The following SYN3 variants were observed in gnomAD, a reference collection of about 807,000 sequenced individuals.
The protein encoded by SYN3 is synapsin-3.
A neutral mutation model predicts 65.8 loss-of-function variants in SYN3; 35 were observed. The observed-to-expected ratio is 0.53, with a 90% CI of 0.41 to 0.70. The LOEUF is 0.70. SYN3 is among the 30% of genes least tolerant of loss of function. The probability of loss-of-function intolerance (pLI) is 0.00; values close to 1 mark genes in which losing one functional copy is unlikely to be tolerated. For synonymous variants in SYN3, 270 were observed against 292.9 expected (o/e 0.92, Z 0.80); for missense variants, 680 against 749.0 (o/e 0.91, Z 1.08).
At chr22:32,572,475 TTCCCTCCCTTCCTTTTC>T (rs2058789590) in intron 7 of SYN3, among the ~76,000 whole-genome samples, 10 of 102,350 alleles carry the variant, frequency 9.8e-5, no homozygotes, top group South Asian at 4.3e-4. Flanking sequence ...TTCTTTCTCC[TTCCCTCCCTTCCTTTTC>T]TTCCTTCCTT....
chr22:33,025,248 G>A (rs2053621156), intron 1 of SYN3, among the ~76,000 whole-genome samples: 1 of 151,936 alleles, frequency 6.6e-6, no homozygotes, highest in South Asian at 2.1e-4. Context: ...GAGGTCAGGA[G>A]TTCGAGACCA....
At chr22:32,827,608 G>GC (rs130294) in intron 6 of SYN3, among the ~76,000 whole-genome samples, 145,760 of 152,212 alleles carry the variant, frequency 0.96, 69,850 homozygotes, top group African/African-American at 0.99. Flanking sequence ...GCTTTTACAA[G>GC]CCACTCCCCT....
chr22:32,646,765 A>G (rs1374539083), intron 6 of SYN3, among the ~76,000 whole-genome samples: 1 of 152,238 alleles, frequency 6.6e-6, no homozygotes, highest in East Asian at 1.9e-4. Context: ...ACAATGAAAC[A>G]GTGGAAAGAA....
intron 6 of SYN3, among the ~76,000 whole-genome samples, chr22:32,752,591 G>A (rs762886): frequency 0.33 from 49,966 of 151,900 alleles, 10,821 homozygotes; most frequent in African/African-American, 0.62. Flanking sequence ...CACTTGCCGC[G>A]TGCCGGGGCT....
intron 2 of SYN3, among the ~76,000 whole-genome samples, chr22:32,991,715 CCT>C (rs978531823): frequency 6.6e-6 from 1 of 152,198 alleles, no homozygotes; most frequent in African/African-American, 2.4e-5. Context: ...ACAGACAACC[CCT>C]AATTTCGCTA....
rs567764148 is a variant in SYN3 at position 33,044,460 on chromosome 22, G to A, written c.-163+13832C>T. On this transcript the variant is annotated intron_variant, in intron 1 of 13. Coordinates refer to ENST00000358763, the MANE Select transcript of SYN3 (RefSeq NM_003490.4). The stretch of plus-strand genomic sequence containing the variant: ...CACTTTAGACTCACAGACTCATTGA[G>A]CACAGGAGGTCAAGTGACTCCCATC... Among the ~76,000 whole-genome samples the A allele has an allele frequency of 2.0e-5, 3 of 152,202 alleles. No individual in the cohort carries two copies. In the South Asian group the frequency reaches 6.2e-4, roughly 32 times the overall value.
intron 6 of SYN3, among the ~76,000 whole-genome samples, chr22:32,715,041 A>G (rs1381684563): frequency 1.3e-5 from 2 of 152,220 alleles, no homozygotes; most frequent in Non-Finnish European, 2.9e-5. Context: ...TAATAAAGGA[A>G]TTTTATGATG....
At chr22:32,592,456 T>C (rs906307136) in intron 7 of SYN3, among the ~76,000 whole-genome samples, 1 of 152,232 alleles carries the variant, frequency 6.6e-6, no homozygotes, top group African/African-American at 2.4e-5. Flanking sequence ...CATATTTTGA[T>C]TTCTGTTTCT....
intron 1 of SYN3, among the ~76,000 whole-genome samples, chr22:33,037,349 C>T (rs1280677643): frequency 6.6e-6 from 1 of 152,176 alleles, no homozygotes; most frequent in Non-Finnish European, 1.5e-5. Flanking sequence ...CAACCTACCA[C>T]TGGGCTTCTT....
chr22:32,672,256 C>T (rs1270547063), intron 6 of SYN3, among the ~76,000 whole-genome samples: 1 of 152,160 alleles, frequency 6.6e-6, no homozygotes, highest in Non-Finnish European at 1.5e-5. Flanking sequence ...TCCTTGGGTC[C>T]ATCTATACAG....
Position 32,513,617 on chromosome 22 carries a change from A to C in SYN3, c.*75T>G. The C allele has an allele frequency of 6.4e-7, 1 of 1,573,036 alleles. No homozygotes were observed. The highest frequency in any genetic ancestry group is 8.7e-7 in the Non-Finnish European group (1 of 1,155,008). On this transcript the variant is annotated 3_prime_UTR_variant, in exon 14 of 14. Transcript: ENST00000358763. ...CTCCATTCTGTTCCCATCAGGAACCAAGGCTGAGAAGGAAGATGAGGCAGG... is the reference window on the plus strand; with the variant it reads ...CTCCATTCTGTTCCCATCAGGAACCCAGGCTGAGAAGGAAGATGAGGCAGG...
intron 6 of SYN3, chr22:32,849,531 G>A (rs1374530440): frequency 4.3e-6 from 7 of 1,613,108 alleles, no homozygotes; most frequent in South Asian, 3.3e-5. Context: ...TCAAGCAGAT[G>A]AAGGTAGGTA....
At chr22:32,890,072 C>CTTTTTTTTTTTT (rs5845051) in intron 4 of SYN3, among the ~76,000 whole-genome samples, 4 of 58,282 alleles carry the variant, frequency 6.9e-5, no homozygotes, top group Non-Finnish European at 1.2e-4. Context: ...GATTTAGCTG[C>CTTTTTTTTTTTT]TTTTTTTTTT....
chr22:32,659,012 T>C (rs2060180630), intron 6 of SYN3, among the ~76,000 whole-genome samples: 1 of 152,090 alleles, frequency 6.6e-6, no homozygotes. Flanking sequence ...TGAACTCCAT[T>C]TTATAGATGA....
intron 1 of SYN3, among the ~76,000 whole-genome samples, chr22:33,030,158 G>C (rs1244250985): frequency 6.6e-6 from 1 of 152,186 alleles, no homozygotes; most frequent in East Asian, 1.9e-4. Flanking sequence ...GGCAGCAGCA[G>C]GCAGGGCCAG....
At chr22:32,900,774 C>G (rs1333499196) in intron 4 of SYN3, among the ~76,000 whole-genome samples, 1 of 152,222 alleles carries the variant, frequency 6.6e-6, no homozygotes, top group East Asian at 1.9e-4. Flanking sequence ...CATTATCTCA[C>G]CATCCTAGCC....
intron 3 of SYN3, among the ~76,000 whole-genome samples, chr22:32,932,277 C>A (rs1317729093): frequency 7.1e-6 from 1 of 140,816 alleles, no homozygotes; most frequent in Non-Finnish European, 1.5e-5. Flanking sequence ...TTGGTAATGG[C>A]CCCTCCTCTT....
chr22:32,980,759 C>T, intron 2 of SYN3, 57 bp from the exon 3 acceptor site: 1 of 1,547,496 alleles, frequency 6.5e-7, no homozygotes, highest in Non-Finnish European at 8.9e-7. Flanking sequence ...CTCTTTTCTC[C>T]CTTCTCCCAA....
chr22:32,943,652 C>G lies in SYN3; in HGVS notation c.370-12171G>C, dbSNP rs569475878. On this transcript the variant is annotated intron_variant, in intron 3 of 13. Transcript: ENST00000358763. ...GCTCCAATTAAAAGACACAGACTGG[C>G]AAATTGGATAAAGAGTCAAGACCCA... 3.9e-5 allele frequency among the ~76,000 whole-genome samples: 6 copies of G among 152,208 alleles called. No individual in the cohort carries two copies. The South Asian group carries it at 1.2e-3, about 32-fold the overall frequency.
Sources: gnomAD v4.1 joint callset for allele counts (sites outside exome capture counted in the v4.1 genomes callset) on GRCh38, gnomAD v4.1.1 for gene constraint, MANE v1.5 for transcripts, NCBI Gene and HGNC (gene_info 2026-07-23, HGNC 2026-07-21) for gene names.